GLDC: variants seen among roughly 807,000 people sequenced by gnomAD.
GLDC encodes the protein glycine dehydrogenase (decarboxylating), mitochondrial.
Under a neutral mutation model 121.3 loss-of-function variants are expected in GLDC, and 104 were observed. The ratio of observed to expected loss-of-function variants is 0.86; its 90% confidence interval spans 0.73 to 1.01. The LOEUF (loss-of-function observed/expected upper bound fraction) is 1.01, where lower values mean the gene tolerates loss of function less well. Among genes scored for constraint, GLDC ranks in the 50% least tolerant of loss-of-function variants. GLDC has a pLI of 0.00. For missense variants in GLDC, 1,429 were observed against 1,306.6 expected (o/e 1.09, Z -1.44); for synonymous variants, 546 against 480.6 (o/e 1.14, Z -1.78).
chr9:6,622,571 T>A (rs1381527191), intron 2 of GLDC, among the ~76,000 whole-genome samples: 2 of 152,092 alleles, frequency 1.3e-5, no homozygotes, highest in African/African-American at 2.4e-5. Context: ...TGGAGTGCAG[T>A]GGCGTGATCT....
chr9:6,639,453 A>G lies in GLDC; in HGVS notation c.334+5161T>C, dbSNP rs527419846. 73 of 906,926 alleles carry G rather than the reference A, an allele frequency of 8.0e-5. No individual in the cohort carries two copies. The South Asian group carries it at 9.4e-4, about 12-fold the overall frequency. 56.2% of individuals were successfully genotyped at this position (906,926 alleles called of 1,614,324 possible). On this transcript the variant is annotated intron_variant, in intron 2 of 24. Transcript: ENST00000321612. ...TGTGTTCATTGTGGATGTTAAAGTC[A>G]ACAAGCACCAGATTAAACAGGCTGT...
intron 2 of GLDC, among the ~76,000 whole-genome samples, chr9:6,624,919 C>T (rs907262580): frequency 6.6e-6 from 1 of 151,192 alleles, no homozygotes; most frequent in Admixed American, 6.6e-5. Flanking sequence ...ACCAGGGAGG[C>T]GGAGATTGCA....
intron 20 of GLDC, among the ~76,000 whole-genome samples, chr9:6,551,939 C>T (rs1161194398): frequency 6.6e-6 from 1 of 152,176 alleles, no homozygotes; most frequent in Non-Finnish European, 1.5e-5. Context: ...ATGCAGACGG[C>T]TTAAGTCCAA....
At position 6,620,483 on chromosome 9, in the gene GLDC, CA is replaced by C. The variant is rs34280433; in HGVS notation, c.335-165del. On this transcript the variant is annotated intron_variant, in intron 2 of 24. Transcript: ENST00000321612. ...ACACTAAGTACTGTATGCGACATCT[CA>C]AAAAAAAAAAAAGTCCCCAAACAAC... Among the ~76,000 whole-genome samples the C allele has an allele frequency of 0.22, 31,141 of 142,644 alleles. 3,510 individuals are homozygous for C. Among genetic ancestry groups the C allele is most frequent in the East Asian group, 0.43 (2,160 of 4,990 alleles). The allele number at this position is 142,644 out of a possible 152,430, so 93.6% of individuals were successfully genotyped here.
intron 17 of GLDC, among the ~76,000 whole-genome samples, chr9:6,557,100 C>T (rs1447013531): frequency 6.6e-6 from 1 of 152,108 alleles, no homozygotes; most frequent in Non-Finnish European, 1.5e-5. Context: ...GAGTTCTATA[C>T]CACTGCAGGA....
At chr9:6,640,906 G>A (rs1819617603) in intron 2 of GLDC, among the ~76,000 whole-genome samples, 1 of 152,140 alleles carries the variant, frequency 6.6e-6, no homozygotes, top group South Asian at 2.1e-4. Context: ...CCACTAATAA[G>A]GGCACCATTC....
intron 18 of GLDC, 53 bp downstream of exon 18, chr9:6,556,100 C>A: frequency 6.9e-7 from 1 of 1,443,754 alleles, no homozygotes; most frequent in Non-Finnish European, 9.5e-7. Flanking sequence ...TTTTTTTTTT[C>A]CACATATCCA....
intron 21 of GLDC, among the ~76,000 whole-genome samples, chr9:6,545,382 T>G (rs1563831384): frequency 6.6e-6 from 1 of 152,154 alleles, no homozygotes; most frequent in African/African-American, 2.4e-5. Context: ...TATCTTAACA[T>G]ATCTCAACAT....
intron 17 of GLDC, among the ~76,000 whole-genome samples, chr9:6,556,906 C>G (rs1817645261): frequency 6.6e-6 from 1 of 152,178 alleles, no homozygotes; most frequent in African/African-American, 2.4e-5. Flanking sequence ...TTGGGCCCAA[C>G]TCTCTAAGGT....
Position 6,532,884 on chromosome 9 carries a change from A to T in GLDC, c.*133T>A. On this transcript the variant is annotated 3_prime_UTR_variant, in exon 25 of 25. Transcript: ENST00000321612. The stretch of plus-strand genomic sequence containing the variant: ...AGCTACTGTATTTACATTTACCTTG[A>T]CAGAGATTACAGAGATATACACAGT... 1.3e-6 allele frequency: 1 copy of T among 760,624 alleles called. No individual in the cohort carries two copies. 47.1% of individuals were successfully genotyped at this position (760,624 alleles called of 1,614,324 possible).
chr9:6,627,492 A>T (rs1322357155), intron 2 of GLDC, among the ~76,000 whole-genome samples: 1 of 152,114 alleles, frequency 6.6e-6, no homozygotes, highest in East Asian at 1.9e-4. Flanking sequence ...GCTTGGGACT[A>T]ATGAGTTTTC....
chr9:6,635,489 C>T (rs879333608), intron 2 of GLDC, among the ~76,000 whole-genome samples: 2 of 152,114 alleles, frequency 1.3e-5, no homozygotes, highest in Non-Finnish European at 2.9e-5. Flanking sequence ...AGTTTGATAG[C>T]ACTGAATATG....
At chr9:6,622,345 G>A (rs1819119851) in intron 2 of GLDC, among the ~76,000 whole-genome samples, 3 of 148,844 alleles carry the variant, frequency 2.0e-5, no homozygotes, top group African/African-American at 7.4e-5. Flanking sequence ...CTCCCTGCCT[G>A]ATTCTCCTGC....
intron 2 of GLDC, among the ~76,000 whole-genome samples, chr9:6,622,290 G>A (rs375118611): frequency 3.6e-4 from 53 of 148,524 alleles, no homozygotes; most frequent in African/African-American, 1.1e-3. Flanking sequence ...CTCTTTCCAC[G>A]GGCCGAAGCT....
At chr9:6,543,220 A>G (rs1262606473) in intron 21 of GLDC, among the ~76,000 whole-genome samples, 1 of 152,106 alleles carries the variant, frequency 6.6e-6, no homozygotes. Flanking sequence ...GGCTGCAATG[A>G]GCTATGATAA....
chr9:6,600,892 T>C (rs1456161147), intron 8 of GLDC, among the ~76,000 whole-genome samples: 3 of 152,054 alleles, frequency 2.0e-5, no homozygotes, highest in African/African-American at 4.8e-5. Flanking sequence ...ATGCCAGACA[T>C]GGCCAGGTGC....
intron 3 of GLDC, among the ~76,000 whole-genome samples, chr9:6,611,640 G>A (rs1242563524): frequency 6.6e-6 from 1 of 151,806 alleles, no homozygotes; most frequent in African/African-American, 2.4e-5. Context: ...TGAATGCATA[G>A]TATTATATTC....
At chr9:6,610,693 A>T (rs1818834242) in intron 3 of GLDC, among the ~76,000 whole-genome samples, 2 of 152,146 alleles carry the variant, frequency 1.3e-5, no homozygotes, top group African/African-American at 4.8e-5. Context: ...TCAATGTACA[A>T]GGCTCAAGAG....
chr9:6,533,942 A>G (rs12000020), intron 24 of GLDC: 28,211 of 151,224 alleles, frequency 0.19, 2,793 homozygotes, highest in East Asian at 0.29. Flanking sequence ...GCTGGGCGTG[A>G]TGGCTCACGC....
Sources: allele counts gnomAD v4.1 joint callset (sites outside exome capture counted in the v4.1 genomes callset), GRCh38; gene constraint gnomAD v4.1.1; transcripts MANE v1.5; gene names NCBI Gene and HGNC (gene_info 2026-07-23, HGNC 2026-07-21).